The following PRPF40B variants were observed in gnomAD, a reference collection of about 807,000 sequenced individuals.
PRPF40B encodes the protein pre-mRNA-processing factor 40 homolog B.
A neutral mutation model predicts 124.5 loss-of-function variants in PRPF40B; 56 were observed. The observed-to-expected ratio is 0.45, with a 90% CI of 0.36 to 0.56. The LOEUF is 0.56. Among genes scored for constraint, PRPF40B ranks in the 20% least tolerant of loss-of-function variants. The pLI, the probability that PRPF40B is intolerant of heterozygous loss-of-function variation, is 0.00. For synonymous variants in PRPF40B, 443 were observed against 426.4 expected (o/e 1.04, Z -0.48); for missense variants, 1,053 against 1,169.5 (o/e 0.90, Z 1.45).
chr12:49,626,727 T>C (rs1194315474), intron 1 of PRPF40B, among the ~76,000 whole-genome samples: 1 of 152,236 alleles, frequency 6.6e-6, no homozygotes. Flanking sequence ...AAGTTCTCAA[T>C]AAAACGTTGA....
At chr12:49,637,317 C>T in intron 16 of PRPF40B, 153 bp from the exon 17 acceptor site, 1 of 618,656 alleles carries the variant, frequency 1.6e-6, no homozygotes, top group Admixed American at 2.7e-5. Flanking sequence ...TCTCAGCCTT[C>T]CATCTGCATC....
In PRPF40B at chr12:49,644,088, T is replaced by G; in HGVS notation, c.2587-12T>G. Reference sequence around the variant, plus strand: ...TGCAGGCTAAGGGTGAACTGTGCCTTTGCTCCAACAGACAGGCTGGGACAC... The same window carrying G: ...TGCAGGCTAAGGGTGAACTGTGCCTGTGCTCCAACAGACAGGCTGGGACAC... On this transcript the variant is annotated splice_polypyrimidine_tract_variant and intron_variant, in intron 25 of 25. Coordinates refer to ENST00000548825, the MANE Select transcript of PRPF40B (RefSeq NM_001031698.3). 1 of 1,614,140 alleles carries G rather than the reference T, an allele frequency of 6.2e-7. No homozygotes were observed. The highest frequency in any genetic ancestry group is 8.5e-7 in the Non-Finnish European group (1 of 1,180,028).
chr12:49,624,926 T>C (rs892385288), intron 1 of PRPF40B, among the ~76,000 whole-genome samples: 1 of 151,086 alleles, frequency 6.6e-6, no homozygotes, highest in African/African-American at 2.4e-5. Context: ...GTAGGGCTGG[T>C]CCAGGAAAGT....
At chr12:49,623,786 G>A (rs946844783) in intron 1 of PRPF40B, 193 bp downstream of exon 1, 54 of 1,187,754 alleles carry the variant, frequency 4.5e-5, no homozygotes, top group Non-Finnish European at 5.5e-5. Context: ...AAGGGGCGGG[G>A]GAGGCCATGA....
rs1184329118 is a variant in PRPF40B, at chr12:49,643,721, A to G, written c.2411A>G (p.Lys804Arg). 1.2e-6 allele frequency: 2 copies of G among 1,614,024 alleles called. No individual in the cohort carries two copies. Among genetic ancestry groups the G allele is most frequent in the Admixed American group, 1.7e-5 (1 of 59,994 alleles). Residue 804 changes from lysine (K) to arginine (R), a missense_variant, in exon 24 of 26, where the codon AAA becomes AGA. Transcript: ENST00000548825. Reference protein sequence around the residue: ...DHGLRKAKKPKKKTKKRRHKS... With the variant: ...DHGLRKAKKPRKKTKKRRHKS... Reference sequence around the variant, plus strand: ...GGCCTTCGGAAAGCCAAGAAACCAAAAAAGAAAACTAAGAAGAGAAGACAC... The same window carrying G: ...GGCCTTCGGAAAGCCAAGAAACCAAGAAAGAAAACTAAGAAGAGAAGACAC...
chr12:49,626,651 G>T (rs959859550), intron 1 of PRPF40B, among the ~76,000 whole-genome samples: 1 of 152,282 alleles, frequency 6.6e-6, no homozygotes, highest in African/African-American at 2.4e-5. Context: ...AGTGTGGGGC[G>T]GCCTTCGTTG....
chr12:49,643,050 G>A, intron 22 of PRPF40B, 34 bp downstream of exon 22: 1 of 1,609,370 alleles, frequency 6.2e-7, no homozygotes. Context: ...ATGGGGTGAA[G>A]CTGGGTTGTT....
rs956022477 is a variant in PRPF40B, at chr12:49,634,299, G to A, written c.813-33G>A. The A allele has an allele frequency of 8.7e-6, 14 of 1,613,786 alleles. No homozygotes were observed. The African/African-American group carries it at 1.3e-4, about 15-fold the overall frequency. Reference sequence around the variant, plus strand: ...GGCACTGAAAGCTGTGAGAGCTGGGGGACCCTGTGGCTGAGTCCCCTGTGC... The same window carrying A: ...GGCACTGAAAGCTGTGAGAGCTGGGAGACCCTGTGGCTGAGTCCCCTGTGC... On this transcript the variant is annotated intron_variant, in intron 10 of 25. Transcript: ENST00000548825.
chr12:49,643,829 G>C, intron 24 of PRPF40B, 32 bp from the exon 25 acceptor site: 1 of 1,614,084 alleles, frequency 6.2e-7, no homozygotes, highest in Admixed American at 1.7e-5. Flanking sequence ...CTATCCACAG[G>C]AACTGAGGAG....
rs199807049 is a variant in PRPF40B, at chr12:49,634,099, G to T, written c.812+7G>T. On this transcript the variant is annotated splice_region_variant and intron_variant, in intron 10 of 25. Transcript: ENST00000548825. ...TGGAGGAGGGCCCCAGCAGGTGAGGGCTGCCCCCCATGGCATTCCCAATGT... is the reference window on the plus strand; with the variant it reads ...TGGAGGAGGGCCCCAGCAGGTGAGGTCTGCCCCCCATGGCATTCCCAATGT... The T allele has an allele frequency of 6.2e-7, 1 of 1,610,730 alleles. No homozygotes were observed. The highest frequency in any genetic ancestry group is 1.3e-5 in the African/African-American group (1 of 74,978).
rs1941112361 is a variant in PRPF40B at position 49,630,493 on chromosome 12, AGCCCATCTCTGT to A, written c.4-44_4-33del. 13 of 777,348 alleles carry A rather than the reference AGCCCATCTCTGT, an allele frequency of 1.7e-5. No individual in the cohort carries two copies. In the South Asian group the frequency reaches 1.7e-4, roughly 10 times the overall value. 48.2% of individuals were successfully genotyped at this position (777,348 alleles called of 1,614,324 possible). A position where few individuals can be genotyped will look rare whatever the true frequency, so the allele number is the denominator to read the frequency against. On this transcript the variant is annotated intron_variant, in intron 1 of 25. Coordinates refer to ENST00000548825, the MANE Select transcript of PRPF40B (RefSeq NM_001031698.3). ...CCACTTCTGCTTCCCTTCTGCAAAAAGCCCATCTCTGTGCCCATCCTGGGTCCTATGACTTTT... is the reference window on the plus strand; with the variant it reads ...CCACTTCTGCTTCCCTTCTGCAAAAAGCCCATCCTGGGTCCTATGACTTTT...
At position 49,635,822 on chromosome 12, in the gene PRPF40B, C is replaced by A. The variant is rs200975345; in HGVS notation, c.1276-21C>A. On this transcript the variant is annotated intron_variant, in intron 14 of 25. Coordinates refer to ENST00000548825, the MANE Select transcript of PRPF40B (RefSeq NM_001031698.3). This position sits in a 1 kb window ranked among gnomAD's most constrained non-coding sequence, Gnocchi z 4.1. ...GTAGCTCTGGCCTGCCCTGCCTCAC[C>A]CTGATCCTGTGGCTCCCTAGGAACA... The A allele has an allele frequency of 8.1e-5, 131 of 1,613,048 alleles. No individual in the cohort carries two copies. In the African/African-American group the frequency reaches 1.3e-3, roughly 16 times the overall value.
intron 18 of PRPF40B, 136 bp downstream of exon 18, chr12:49,637,960 C>G (rs1321359026): frequency 1.3e-5 from 9 of 673,310 alleles, no homozygotes; most frequent in Non-Finnish European, 2.4e-5. Context: ...TCCTTTACTG[C>G]ACACTAGGGA....
chr12:49,637,613 G>A lies in PRPF40B; in HGVS notation c.1675+29G>A, dbSNP rs1034017226. On this transcript the variant is annotated intron_variant, in intron 17 of 25. Transcript: ENST00000548825. ...AGGCAGCCAGGCTCCCCCTTCTCTG[G>A]CCTGGCTTCCTGCCCTGCCAGCCTC... is the stretch of plus-strand genomic sequence containing the variant. 1.2e-5 allele frequency: 19 copies of A among 1,603,024 alleles called. No individual in the cohort carries two copies. In the Admixed American group the frequency reaches 2.0e-4, roughly 17 times the overall value.
In PRPF40B at chr12:49,630,589, C is replaced by A; in HGVS notation, c.48C>A (p.Pro16=). The change falls in exon 2 of 26, where the codon CCC becomes CCA. Residue 16 remains proline, a synonymous_variant. Coordinates refer to ENST00000548825, the MANE Select transcript of PRPF40B (RefSeq NM_001031698.3). ...CCCGGCCCCCAGCAGCGCCTGCCCC[C>A]TTCCCACCGGGGCCCCCCATGATGC... ...SGPRPPAAPA[P]FPPGPPMMPP... 7.1e-7 allele frequency: 1 copy of A among 1,409,168 alleles called. No homozygotes were observed. Among genetic ancestry groups the A allele is most frequent in the Non-Finnish European group, 1.0e-6 (1 of 996,540 alleles). The allele number at this position is 1,409,168 out of a possible 1,614,324, so 87.3% of individuals were successfully genotyped here.
In PRPF40B at chr12:49,632,994, GT is replaced by G; in HGVS notation, c.349-19del. The G allele has an allele frequency of 5.4e-6, 8 of 1,492,226 alleles. No individual in the cohort carries two copies. Among genetic ancestry groups the G allele is most frequent in the Non-Finnish European group, 7.4e-6 (8 of 1,078,566 alleles). The allele number at this position is 1,492,226 out of a possible 1,614,324, so 92.4% of individuals were successfully genotyped here. A position where few individuals can be genotyped will look rare whatever the true frequency, so the allele number is the denominator to read the frequency against. ...GAAAAGGGGCCTTGACCACCATTCT[GT>G]GCCCCCCCCCCCACCCAGAGGGCCC... On this transcript the variant is annotated intron_variant, in intron 6 of 25. Coordinates refer to ENST00000548825, the MANE Select transcript of PRPF40B (RefSeq NM_001031698.3).
Position 49,631,803 on chromosome 12 carries a change from C to G in PRPF40B, c.229-57C>G. 1 of 1,510,012 alleles carries G rather than the reference C, an allele frequency of 6.6e-7. No homozygotes were observed. Among genetic ancestry groups the G allele is most frequent in the Non-Finnish European group, 9.2e-7 (1 of 1,086,304 alleles). The allele number at this position is 1,510,012 out of a possible 1,614,324, so 93.5% of individuals were successfully genotyped here. ...CTCAGGACCCTTTGAGGTACCCTGT[C>G]CCTCCTGTTCCAGCCCTTACCTTGG... On this transcript the variant is annotated intron_variant, in intron 3 of 25. Transcript: ENST00000548825. This position sits in a 1 kb window ranked among gnomAD's most constrained non-coding sequence, Gnocchi z 4.3.
intron 1 of PRPF40B, among the ~76,000 whole-genome samples, chr12:49,630,055 C>G (rs575926014): frequency 3.3e-5 from 5 of 152,240 alleles, no homozygotes; most frequent in Non-Finnish European, 7.3e-5. Flanking sequence ...TTTTAAAGGA[C>G]TAGCGACTAT....
chr12:49,623,887 A>G (rs1213490993), intron 1 of PRPF40B: 1 of 1,165,442 alleles, frequency 8.6e-7, no homozygotes, highest in African/African-American at 1.6e-5. Flanking sequence ...GCGGAGAAAG[A>G]TCGGGAAAGA....
Sources: allele counts gnomAD v4.1 joint callset (sites outside exome capture counted in the v4.1 genomes callset), GRCh38; gene constraint gnomAD v4.1.1; non-coding constraint Gnocchi (gnomAD v3.1); transcripts MANE v1.5; gene names NCBI Gene and HGNC (gene_info 2026-07-23, HGNC 2026-07-21).